NFIA: variants seen among roughly 807,000 people sequenced by gnomAD.
NFIA encodes nuclear factor 1 A-type.
In NFIA, 8 loss-of-function variants were observed where a neutral mutation model predicts 62.8. The observed-to-expected ratio is 0.13, with a 90% confidence interval of 0.07 to 0.23. The LOEUF (loss-of-function observed/expected upper bound fraction) is 0.23. NFIA is among the 10% of genes least tolerant of loss of function. The probability of loss-of-function intolerance (pLI) is 1.00; values close to 1 mark genes in which losing one functional copy is unlikely to be tolerated. For missense variants in NFIA, 410 were observed against 642.1 expected, an observed-to-expected ratio of 0.64 and a Z score of 3.91; for synonymous variants, 235 against 238.1, an observed-to-expected ratio of 0.99 and a Z score of 0.12.
At chr1:61,379,915 A>G (rs1664336067) in intron 6 of NFIA, among the ~76,000 whole-genome samples, 1 of 152,074 alleles carries the variant, frequency 6.6e-6, no homozygotes, top group African/African-American at 2.4e-5. Context: ...TTTGACCTGT[A>G]TTTTCAAGGT....
rs372094060 is a variant in NFIA at position 61,191,524 on chromosome 1, C to T, written c.560-85996C>T. ...TCTGAGAAACAGCTTCCTCCCATTA[C>T]AGGCACCAATTCAATTAGGCAGGAG... On this transcript the variant is annotated intron_variant, in intron 2 of 10. Transcript: ENST00000403491. 4.6e-5 allele frequency among the ~76,000 whole-genome samples: 7 copies of T among 152,284 alleles called. No homozygotes were observed. The East Asian group carries it at 1.2e-3, about 25-fold the overall frequency.
At chr1:61,126,437 A>AACACACACAC (rs61077935) in intron 2 of NFIA, among the ~76,000 whole-genome samples, 2,337 of 74,762 alleles carry the variant, frequency 0.031, 51 homozygotes, top group East Asian at 0.097. Flanking sequence ...TTTGAAAATG[A>AACACACACAC]ACACACACAC....
intron 2 of NFIA, among the ~76,000 whole-genome samples, chr1:61,210,934 A>C (rs1050314977): frequency 6.6e-6 from 1 of 152,242 alleles, no homozygotes; most frequent in Non-Finnish European, 1.5e-5. Flanking sequence ...GCATAAATTT[A>C]GCAAAGGATC....
intron 2 of NFIA, among the ~76,000 whole-genome samples, chr1:61,193,326 A>G (rs193072355): frequency 1.1e-4 from 16 of 152,358 alleles, no homozygotes; most frequent in Non-Finnish European, 1.8e-4. Flanking sequence ...TTGATCACTG[A>G]ATACTACAAG....
chr1:61,177,932 C>G (rs1367385646), intron 2 of NFIA, among the ~76,000 whole-genome samples: 10 of 152,130 alleles, frequency 6.6e-5, no homozygotes, highest in Admixed American at 2.6e-4. Flanking sequence ...CTATAGGAGA[C>G]TTTATCCTTA....
intron 9 of NFIA, among the ~76,000 whole-genome samples, chr1:61,422,329 A>G (rs1666659671): frequency 6.6e-6 from 1 of 152,190 alleles, no homozygotes; most frequent in African/African-American, 2.4e-5. Flanking sequence ...CTTCTTCTTC[A>G]GTCATATTTT....
chr1:61,101,906 T>C (rs1646518691), intron 2 of NFIA, among the ~76,000 whole-genome samples: 1 of 152,202 alleles, frequency 6.6e-6, no homozygotes, highest in Non-Finnish European at 1.5e-5. Context: ...GAGAGAACTA[T>C]TGCTTGGCTG....
At chr1:61,182,411 AGTT>A (rs1345972012) in intron 2 of NFIA, among the ~76,000 whole-genome samples, 7 of 152,246 alleles carry the variant, frequency 4.6e-5, no homozygotes, top group African/African-American at 1.4e-4. Flanking sequence ...AAACCAATGA[AGTT>A]GTTAAAAGTT....
intron 3 of NFIA, among the ~76,000 whole-genome samples, chr1:61,278,999 T>TA (rs1224163382): frequency 2.0e-5 from 3 of 152,230 alleles, no homozygotes; most frequent in Non-Finnish European, 4.4e-5. Flanking sequence ...TCATAGAGTT[T>TA]ATGCTTTAAA....
chr1:61,263,691 C>T (rs925668309), intron 2 of NFIA, among the ~76,000 whole-genome samples: 1 of 152,134 alleles, frequency 6.6e-6, no homozygotes, highest in Non-Finnish European at 1.5e-5. Context: ...GAAGTAGCTA[C>T]TCTCAAAAAA....
upstream of NFIA, among the ~76,000 whole-genome samples, chr1:61,077,992 A>G (rs1646053053): frequency 6.6e-6 from 1 of 152,038 alleles, no homozygotes. Flanking sequence ...TGGCCTCAGC[A>G]GTCAACCTAA....
chr1:61,202,512 G>A (rs1652574440), intron 2 of NFIA, among the ~76,000 whole-genome samples: 1 of 152,108 alleles, frequency 6.6e-6, no homozygotes, highest in South Asian at 2.1e-4. Context: ...GACATGCCAG[G>A]TGGTTAAAGA....
intron 4 of NFIA, among the ~76,000 whole-genome samples, chr1:61,346,616 A>G (rs1404637214): frequency 2.0e-5 from 3 of 151,886 alleles, no homozygotes; most frequent in Non-Finnish European, 4.4e-5. Context: ...TAAAAATTCT[A>G]TTTTCTTTCC....
chr1:61,328,206 G>C (rs1424272702), intron 3 of NFIA, among the ~76,000 whole-genome samples: 2 of 151,818 alleles, frequency 1.3e-5, no homozygotes, highest in African/African-American at 4.8e-5. Flanking sequence ...AGGGCAGGGG[G>C]CTCAGAACAC....
At chr1:61,404,010 C>T in intron 7 of NFIA, 94 bp from the exon 8 acceptor site, 1 of 1,408,878 alleles carries the variant, frequency 7.1e-7, no homozygotes. Flanking sequence ...GTGAATCGGG[C>T]CAGGAAGAGA....
Position 61,352,454 on chromosome 1 carries a change from A to C in NFIA, c.705A>C (p.Pro235=). The change falls in exon 5 of 11, where the codon CCA becomes CCC. Residue 235 remains proline (P), a synonymous_variant. Transcript: ENST00000403491. ...VTELVRVSQT[P]IAAGTGPNFS... is the part of the protein sequence containing the mutation. ...TGTTTGTTTTCTTAATTCTAGCACC[A>C]ATAGCTGCAGGAACTGGCCCAAATT... 6.2e-7 allele frequency: 1 copy of C among 1,609,956 alleles called. No homozygotes were observed. The highest frequency in any genetic ancestry group is 8.5e-7 in the Non-Finnish European group (1 of 1,176,442).
At chr1:61,264,313 TA>T (rs200962083) in intron 2 of NFIA, among the ~76,000 whole-genome samples, 1,698 of 152,124 alleles carry the variant, frequency 0.011, 20 homozygotes, top group Non-Finnish European at 0.018. Context: ...GATTTTCTAT[TA>T]AAATACATCC....
chr1:61,110,413 G>A (rs569327695), intron 2 of NFIA, among the ~76,000 whole-genome samples: 2 of 151,978 alleles, frequency 1.3e-5, no homozygotes, highest in South Asian at 4.1e-4. Flanking sequence ...TTATTTGGGA[G>A]AAAATGATTT....
At chr1:61,195,195 TTTTCC>T (rs1159762094) in intron 2 of NFIA, among the ~76,000 whole-genome samples, 1 of 152,196 alleles carries the variant, frequency 6.6e-6, no homozygotes, top group East Asian at 1.9e-4. Context: ...CATTTGTAAG[TTTTCC>T]TTTCCTGTTG....
Sources: allele counts gnomAD v4.1 joint callset (sites outside exome capture counted in the v4.1 genomes callset), GRCh38; gene constraint gnomAD v4.1.1; transcripts MANE v1.5; gene names NCBI Gene and HGNC (gene_info 2026-07-23, HGNC 2026-07-21).